The following TTC39C variants were observed in gnomAD, a reference collection of about 807,000 sequenced individuals.
TTC39C encodes the protein tetratricopeptide repeat protein 39C.
Under a neutral mutation model 76.3 loss-of-function variants are expected in TTC39C, and 33 were observed. The observed-to-expected ratio is 0.43, with a 90% CI of 0.33 to 0.58. The LOEUF is 0.58. TTC39C is among the 20% of genes least tolerant of loss of function. The pLI is 0.04. For synonymous variants in TTC39C, 254 were observed against 260.6 expected, an observed-to-expected ratio of 0.97 and a Z score of 0.24; for missense variants, 595 against 701.4, an observed-to-expected ratio of 0.85 and a Z score of 1.71.
intron 1 of TTC39C, among the ~76,000 whole-genome samples, chr18:23,999,776 G>C (rs765936746): frequency 2.0e-5 from 3 of 152,250 alleles, no homozygotes; most frequent in Non-Finnish European, 4.4e-5. Context: ...TGAGCAAGCA[G>C]CCAGGGCCCA....
intron 6 of TTC39C, among the ~76,000 whole-genome samples, chr18:24,100,418 T>TA (rs1446607143): frequency 6.6e-6 from 1 of 152,180 alleles, no homozygotes; most frequent in Non-Finnish European, 1.5e-5. Context: ...CTTTAAGCCT[T>TA]GCTTCCCTCC....
intron 1 of TTC39C, chr18:23,993,154 A>G (rs1318475167): frequency 6.6e-6 from 1 of 152,260 alleles, no homozygotes; most frequent in African/African-American, 2.4e-5. Context: ...GTAAAATACT[A>G]ACGCAAATTG....
intron 1 of TTC39C, among the ~76,000 whole-genome samples, chr18:24,001,831 T>TTTTTGG (rs1555763423): frequency 2.2e-5 from 1 of 44,516 alleles, no homozygotes; most frequent in Non-Finnish European, 8.5e-5. Context: ...CTGTTTTTTT[T>TTTTTGG]TTTTTTTTTT....
At chr18:24,112,618 A>G (rs2084830234) in intron 6 of TTC39C, among the ~76,000 whole-genome samples, 1 of 152,166 alleles carries the variant, frequency 6.6e-6, no homozygotes. Context: ...GTTGCCCAGT[A>G]AATGTTTCCT....
At chr18:24,108,769 G>T (rs759003389) in intron 6 of TTC39C, among the ~76,000 whole-genome samples, 1 of 152,068 alleles carries the variant, frequency 6.6e-6, no homozygotes, top group Non-Finnish European at 1.5e-5. Context: ...CACAGAACAC[G>T]CATGAGTTTG....
chr18:24,114,433 T>A, intron 6 of TTC39C, 121 bp from the exon 7 acceptor site: 2 of 707,562 alleles, frequency 2.8e-6, no homozygotes, highest in Non-Finnish European at 4.7e-6. Flanking sequence ...TAAACCACTG[T>A]CTTCTATATT....
At chr18:24,084,874 A>G (rs2084421917) in intron 6 of TTC39C, among the ~76,000 whole-genome samples, 1 of 152,104 alleles carries the variant, frequency 6.6e-6, no homozygotes, top group African/African-American at 2.4e-5. Context: ...TATTTTGGCC[A>G]GTCTGGTCTC....
intron 6 of TTC39C, among the ~76,000 whole-genome samples, chr18:24,091,517 G>A (rs544805483): frequency 2.0e-5 from 3 of 152,250 alleles, no homozygotes; most frequent in Non-Finnish European, 2.9e-5. Context: ...AACTCAAAGC[G>A]GATCATAGAC....
chr18:24,045,067 GA>G (rs754317356), intron 1 of TTC39C, among the ~76,000 whole-genome samples: 3 of 152,140 alleles, frequency 2.0e-5, no homozygotes, highest in Non-Finnish European at 4.4e-5. Flanking sequence ...TTGGAAGTTT[GA>G]GACCAGCCTG....
intron 6 of TTC39C, among the ~76,000 whole-genome samples, chr18:24,092,357 C>CA (rs1734726779): frequency 6.6e-6 from 1 of 151,956 alleles, no homozygotes; most frequent in Non-Finnish European, 1.5e-5. Context: ...GGACCCAGTT[C>CA]AACAGTTCCT....
At chr18:24,104,730 A>ATG (rs150461313) in intron 6 of TTC39C, among the ~76,000 whole-genome samples, 8 of 120,934 alleles carry the variant, frequency 6.6e-5, no homozygotes, top group Non-Finnish European at 1.4e-4. Context: ...GTGACTGTGC[A>ATG]TGTGTGTGTG....
intron 1 of TTC39C, among the ~76,000 whole-genome samples, chr18:24,042,504 C>A (rs1420791351): frequency 6.6e-6 from 1 of 152,166 alleles, no homozygotes; most frequent in Non-Finnish European, 1.5e-5. Context: ...CGCTCGCCTG[C>A]TGCTCACCTC....
chr18:24,058,528 A>G (rs961343900), intron 1 of TTC39C, among the ~76,000 whole-genome samples: 8 of 151,958 alleles, frequency 5.3e-5, no homozygotes, highest in South Asian at 2.1e-4. Flanking sequence ...GGTGGCATGA[A>G]CCTGAGGTGC....
chr18:24,114,279 T>C, intron 6 of TTC39C: 1 of 342,886 alleles, frequency 2.9e-6, no homozygotes, highest in Non-Finnish European at 5.4e-6. Context: ...AGCTGAGCCC[T>C]TAACACCTGA....
intron 6 of TTC39C, among the ~76,000 whole-genome samples, chr18:24,092,811 A>G (rs1200499339): frequency 6.6e-6 from 1 of 152,194 alleles, no homozygotes; most frequent in Non-Finnish European, 1.5e-5. Flanking sequence ...CAGGCAGAGC[A>G]CAATGGCTCA....
chr18:24,023,962 A>ATC (rs70937591), intron 1 of TTC39C, among the ~76,000 whole-genome samples: 1 of 46,500 alleles, frequency 2.2e-5, no homozygotes, highest in East Asian at 9.2e-4. Context: ...ATATATATAT[A>ATC]TATATATATA....
At chr18:24,019,757 G>C in intron 1 of TTC39C, 1 of 867,312 alleles carries the variant, frequency 1.2e-6, no homozygotes, top group Middle Eastern at 2.4e-4. Context: ...ATTTGGTTAT[G>C]TGTGGTCTGT....
At chr18:24,106,842 G>T (rs1165425586) in intron 6 of TTC39C, among the ~76,000 whole-genome samples, 1 of 152,160 alleles carries the variant, frequency 6.6e-6, no homozygotes, top group East Asian at 1.9e-4. Context: ...ATGCCACCAT[G>T]CCTGGCTAAT....
At chr18:24,016,937 T>A (rs559844398) in intron 1 of TTC39C, among the ~76,000 whole-genome samples, 248 of 152,334 alleles carry the variant, frequency 1.6e-3, no homozygotes, top group Non-Finnish European at 2.9e-3. Flanking sequence ...TATCTTATCA[T>A]GACAGTTTTG....
Sources: allele counts gnomAD v4.1 joint callset (sites outside exome capture counted in the v4.1 genomes callset), GRCh38; gene constraint gnomAD v4.1.1; transcripts MANE v1.5; gene names NCBI Gene and HGNC (gene_info 2026-07-23, HGNC 2026-07-21).